GTF2IRD1: variants seen among roughly 807,000 people sequenced by gnomAD.
GTF2IRD1 encodes general transcription factor II-I repeat domain-containing protein 1.
Under a neutral mutation model 113.2 loss-of-function variants are expected in GTF2IRD1, and 26 were observed. The observed-to-expected ratio is 0.23, with a 90% CI of 0.17 to 0.32. The LOEUF is 0.32. Among genes scored for constraint, GTF2IRD1 ranks in the 10% least tolerant of loss-of-function variants. The pLI, the probability that GTF2IRD1 is intolerant of heterozygous loss-of-function variation, is 1.00. For synonymous variants in GTF2IRD1, 484 were observed against 529.1 expected (o/e 0.91, Z 1.17); for missense variants, 864 against 1,280.8 (o/e 0.67, Z 4.97).
intron 16 of GTF2IRD1, 42 bp downstream of exon 16, chr7:74,545,851 C>G: frequency 6.9e-7 from 1 of 1,458,624 alleles, no homozygotes; most frequent in South Asian, 1.1e-5. Flanking sequence ...ATCCCGGCCC[C>G]CCTCCAGCCG....
chr7:74,567,654 C>G (rs1800402438), intron 22 of GTF2IRD1, among the ~76,000 whole-genome samples: 1 of 152,168 alleles, frequency 6.6e-6, no homozygotes. Flanking sequence ...CCCCCAACTC[C>G]CCTCCCAGAA....
intron 1 of GTF2IRD1, among the ~76,000 whole-genome samples, chr7:74,480,884 G>A (rs1329340313): frequency 6.6e-6 from 1 of 152,116 alleles, no homozygotes; most frequent in African/African-American, 2.4e-5. Context: ...CCTAAATCCC[G>A]TCCTCCACGT....
At chr7:74,481,164 A>T (rs1482667739) in intron 1 of GTF2IRD1, among the ~76,000 whole-genome samples, 4 of 151,978 alleles carry the variant, frequency 2.6e-5, no homozygotes, top group Admixed American at 1.3e-4. Flanking sequence ...TAAAAGGAAA[A>T]TTTTTTTAGA....
chr7:74,497,084 C>T (rs1795778066), intron 1 of GTF2IRD1, among the ~76,000 whole-genome samples: 1 of 151,830 alleles, frequency 6.6e-6, no homozygotes, highest in Non-Finnish European at 1.5e-5. Flanking sequence ...ATGGCTTGAA[C>T]CCAGGAATTT....
At chr7:74,576,617 CTT>C (rs1165378230) in intron 22 of GTF2IRD1, among the ~76,000 whole-genome samples, 186 of 49,254 alleles carry the variant, frequency 3.8e-3, no homozygotes, top group African/African-American at 9.8e-3. Context: ...ATTTCCTTGT[CTT>C]TTTTTTTTTT....
chr7:74,589,703 GAA>G (rs370934211), intron 22 of GTF2IRD1, 146 bp from the exon 23 acceptor site: 491 of 428,502 alleles, frequency 1.1e-3, no homozygotes, highest in South Asian at 1.4e-3. Flanking sequence ...GTCTCAAAAG[GAA>G]AAAAAAAAAA....
At chr7:74,591,906 C>T (rs1461706605) in intron 24 of GTF2IRD1, among the ~76,000 whole-genome samples, 3 of 150,748 alleles carry the variant, frequency 2.0e-5, no homozygotes, top group Non-Finnish European at 4.4e-5. Context: ...AGGTGTGAGC[C>T]ACCACACCCA....
chr7:74,535,722 A>G (rs1798253513), intron 10 of GTF2IRD1, among the ~76,000 whole-genome samples: 1 of 152,182 alleles, frequency 6.6e-6, no homozygotes, highest in African/African-American at 2.4e-5. Context: ...ACTTTGGGCA[A>G]GGTCTTGTGG....
At chr7:74,477,144 A>C (rs1394994329) in intron 1 of GTF2IRD1, among the ~76,000 whole-genome samples, 1 of 152,022 alleles carries the variant, frequency 6.6e-6, no homozygotes, top group African/African-American at 2.4e-5. Flanking sequence ...AGGGAGGATC[A>C]CTTGAGGCCA....
intron 14 of GTF2IRD1, among the ~76,000 whole-genome samples, chr7:74,541,654 A>G (rs1288122350): frequency 6.6e-6 from 1 of 152,086 alleles, no homozygotes; most frequent in Non-Finnish European, 1.5e-5. Context: ...GTAATTCACC[A>G]TTTTGGGAGG....
At chr7:74,554,964 TG>T (rs587631660) in intron 17 of GTF2IRD1, among the ~76,000 whole-genome samples, 8 of 151,804 alleles carry the variant, frequency 5.3e-5, no homozygotes, top group Admixed American at 3.3e-4. Context: ...TGTTCAGGAC[TG>T]GGGGGGGTCT....
intron 22 of GTF2IRD1, among the ~76,000 whole-genome samples, chr7:74,565,722 C>A (rs149645394): frequency 3.6e-4 from 55 of 152,104 alleles, no homozygotes; most frequent in African/African-American, 1.3e-3. Flanking sequence ...ATAATCCCAG[C>A]GCTTTGGGAG....
Position 74,538,538 on chromosome 7 carries a change from G to A in GTF2IRD1, c.1448-142G>A, listed in dbSNP as rs1798437728. ...TCCCCTGACCTCCAATTCCAGTTTG[G>A]GCGGAGCCAGGGGGCTGACATGACT... On this transcript the variant is annotated intron_variant, in intron 12 of 26. Coordinates refer to ENST00000424337, the MANE Select transcript of GTF2IRD1 (RefSeq NM_005685.4). The A allele has an allele frequency of 5.3e-6, 4 of 749,618 alleles. No individual in the cohort carries two copies. In the Admixed American group the frequency reaches 7.4e-5, roughly 14 times the overall value. 46.4% of individuals were successfully genotyped at this position (749,618 alleles called of 1,614,324 possible). A position where few individuals can be genotyped will look rare whatever the true frequency, so the allele number is the denominator to read the frequency against.
intron 14 of GTF2IRD1, among the ~76,000 whole-genome samples, chr7:74,542,428 A>G (rs1289600029): frequency 6.6e-6 from 1 of 152,200 alleles, no homozygotes; most frequent in Non-Finnish European, 1.5e-5. Context: ...GCAACAAGGC[A>G]GGATGCTTAG....
chr7:74,527,644 C>G (rs781911779), intron 8 of GTF2IRD1, among the ~76,000 whole-genome samples: 8 of 152,196 alleles, frequency 5.3e-5, no homozygotes, highest in Non-Finnish European at 1.0e-4. Flanking sequence ...GAGTTCAAAA[C>G]CAGCCTGGCC....
chr7:74,591,226 GA>G (rs1465101504), intron 24 of GTF2IRD1, among the ~76,000 whole-genome samples: 1 of 151,450 alleles, frequency 6.6e-6, no homozygotes, highest in Non-Finnish European at 1.5e-5. Context: ...GTTCTCTGGG[GA>G]AAAAACAAAA....
At chr7:74,525,435 T>G (rs1287321456) in intron 8 of GTF2IRD1, among the ~76,000 whole-genome samples, 1 of 152,112 alleles carries the variant, frequency 6.6e-6, no homozygotes, top group Non-Finnish European at 1.5e-5. Context: ...TCATAGCAGA[T>G]GTCAGCCCAC....
At chr7:74,569,174 G>A (rs1482591302) in intron 22 of GTF2IRD1, among the ~76,000 whole-genome samples, 1 of 152,226 alleles carries the variant, frequency 6.6e-6, no homozygotes, top group Non-Finnish European at 1.5e-5. Context: ...CCCTCCCTGA[G>A]GAGCTGGTGT....
At chr7:74,524,517 G>C (rs1299842387) in intron 8 of GTF2IRD1, among the ~76,000 whole-genome samples, 1 of 152,112 alleles carries the variant, frequency 6.6e-6, no homozygotes, top group African/African-American at 2.4e-5. Context: ...CTGAGGCCGG[G>C]AGTTCAAGAC....
Sources: gnomAD v4.1 joint callset for allele counts (sites outside exome capture counted in the v4.1 genomes callset) on GRCh38, gnomAD v4.1.1 for gene constraint, MANE v1.5 for transcripts, NCBI Gene and HGNC (gene_info 2026-07-23, HGNC 2026-07-21) for gene names.